Variants in FAM89A observed in about 807,000 individuals in gnomAD.
The protein encoded by FAM89A is protein FAM89A.
Under a neutral mutation model 7.1 loss-of-function variants are expected in FAM89A, and 10 were observed. The observed-to-expected ratio is 1.40, with a 90% CI of 0.86 to 2.38. The LOEUF is 2.38. Among genes scored for constraint, FAM89A ranks in the 30% most tolerant of loss-of-function variants. The pLI is 0.00. For synonymous variants in FAM89A, 157 were observed against 129.3 expected (o/e 1.21, Z -1.45); for missense variants, 276 against 262.8 (o/e 1.05, Z -0.35).
chr1:231,029,365 G>A (rs915778854), intron 1 of FAM89A, among the ~76,000 whole-genome samples: 13 of 152,098 alleles, frequency 8.5e-5, no homozygotes, highest in Admixed American at 8.5e-4. Flanking sequence ...GGTGGTACGT[G>A]CCTGTGGTCC....
rs889741281 is a variant in FAM89A, at chr1:231,040,241, C to A, written c.-30G>T. On this transcript the variant is annotated 5_prime_UTR_variant, in exon 1 of 2. Transcript: ENST00000366654. Reference sequence around the variant, plus strand: ...CCGCGGCCCGGCCACGCGCCTGCCCCGCTGCAGCGAACCAAGGCTTTCCCC... The same window carrying A: ...CCGCGGCCCGGCCACGCGCCTGCCCAGCTGCAGCGAACCAAGGCTTTCCCC... The A allele has an allele frequency of 5.8e-6, 6 of 1,031,044 alleles. No individual in the cohort carries two copies. The highest frequency in any genetic ancestry group is 5.8e-6 in the Non-Finnish European group (5 of 861,720). The allele number at this position is 1,031,044 out of a possible 1,614,324, so 63.9% of individuals were successfully genotyped here. A position where few individuals can be genotyped will look rare whatever the true frequency, so the allele number is the denominator to read the frequency against.
At chr1:231,035,705 A>T (rs1007778689) in intron 1 of FAM89A, among the ~76,000 whole-genome samples, 10 of 152,368 alleles carry the variant, frequency 6.6e-5, no homozygotes, top group Middle Eastern at 3.4e-3. Flanking sequence ...AGATCTAGTT[A>T]GCCAAGCTAG....
chr1:231,021,515 G>A, intron 1 of FAM89A: 1 of 696,760 alleles, frequency 1.4e-6, no homozygotes, highest in Non-Finnish European at 2.5e-6. Flanking sequence ...TGATTAACCA[G>A]AGGGCACGAA....
At chr1:231,021,553 A>C in intron 1 of FAM89A, 1 of 1,012,796 alleles carries the variant, frequency 9.9e-7, no homozygotes. Flanking sequence ...CTTCCCTGCA[A>C]ACCTTGGTAT....
Position 231,034,019 on chromosome 1 carries a change from G to A in FAM89A, c.291+5902C>T, listed in dbSNP as rs144743568. ...GGACATTGGGATGGGGATGGGACAA[G>A]TACAGGGTAGCAGTGGCCTGAAAAT... On this transcript the variant is annotated intron_variant, in intron 1 of 1. Coordinates refer to ENST00000366654, the MANE Select transcript of FAM89A (RefSeq NM_198552.3). Among the ~76,000 whole-genome samples, 703 of 152,342 alleles carry A rather than the reference G, an allele frequency of 4.6e-3. 4 individuals are homozygous for A. The highest frequency in any genetic ancestry group is 0.016 in the African/African-American group (665 of 41,590).
chr1:231,028,131 G>A (rs1052931845), intron 1 of FAM89A, among the ~76,000 whole-genome samples: 2 of 152,222 alleles, frequency 1.3e-5, no homozygotes, highest in African/African-American at 4.8e-5. Flanking sequence ...GCAGTGGGGT[G>A]GTGCTGGCAC....
rs554549765 is a variant in FAM89A at position 231,028,507 on chromosome 1, G to C, written c.292-8381C>G. The C allele has an allele frequency of 5.3e-5, 8 of 152,224 alleles. No homozygotes were observed. In the South Asian group the frequency reaches 1.5e-3, roughly 28 times the overall value. 9.4% of individuals were successfully genotyped at this position (152,224 alleles called of 1,614,324 possible). A position where few individuals can be genotyped will look rare whatever the true frequency, so the allele number is the denominator to read the frequency against. The stretch of plus-strand genomic sequence containing the variant: ...GGAGCCGCCGAGCAAGCCACTCTCC[G>C]AGCAGAAGCAGCCTGGATCTCAACG... On this transcript the variant is annotated intron_variant, in intron 1 of 1. Transcript: ENST00000366654.
intron 1 of FAM89A, among the ~76,000 whole-genome samples, chr1:231,035,921 C>T (rs554289787): frequency 2.5e-4 from 38 of 152,340 alleles, no homozygotes; most frequent in African/African-American, 9.1e-4. Context: ...TTGTCCTTGT[C>T]ACTGTTGGCT....
chr1:231,022,989 A>G (rs1219422097), intron 1 of FAM89A, among the ~76,000 whole-genome samples: 3 of 152,144 alleles, frequency 2.0e-5, no homozygotes, highest in African/African-American at 4.8e-5. Context: ...GGACAGGCAC[A>G]TGTTTGGGTG....
chr1:231,020,295 T>C (rs114976330), intron 1 of FAM89A, among the ~76,000 whole-genome samples, 169 bp from the exon 2 acceptor site: 2,192 of 152,276 alleles, frequency 0.014, 44 homozygotes, highest in African/African-American at 0.05. Flanking sequence ...AACACCTTAA[T>C]TGTGTTATGC....
rs1253010662 is a variant in FAM89A at position 231,039,995 on chromosome 1, C to T, written c.217G>A (p.Gly73Arg). The change falls in exon 1 of 2, where the codon GGG becomes AGG. Residue 73 changes from glycine to arginine, a missense_variant. By Grantham distance (125) the Gly-to-Arg change is moderately radical. Coordinates refer to ENST00000366654, the MANE Select transcript of FAM89A (RefSeq NM_198552.3). Reference protein sequence around the residue: ...ELSRGGPGGGGARAAALPAKP... With the variant: ...ELSRGGPGGGRARAAALPAKP... ...GCGGGCAGCGCTGCCGCCCGGGCCCCGCCGCCGCCCGGGCCCCCGCGGCTC... is the reference window on the plus strand; with the variant it reads ...GCGGGCAGCGCTGCCGCCCGGGCCCTGCCGCCGCCCGGGCCCCCGCGGCTC... The T allele has an allele frequency of 7.2e-7, 1 of 1,387,116 alleles. No individual in the cohort carries two copies. Among genetic ancestry groups the T allele is most frequent in the East Asian group, 3.1e-5 (1 of 32,458 alleles). 85.9% of individuals were successfully genotyped at this position (1,387,116 alleles called of 1,614,324 possible).
At chr1:231,024,229 G>A (rs537169711) in intron 1 of FAM89A, among the ~76,000 whole-genome samples, 33 of 151,188 alleles carry the variant, frequency 2.2e-4, no homozygotes, top group Non-Finnish European at 2.9e-4. Context: ...GCATGGGTAC[G>A]CGCATGTAGA....
At chr1:231,024,686 A>C (rs1679933413) in intron 1 of FAM89A, among the ~76,000 whole-genome samples, 1 of 151,778 alleles carries the variant, frequency 6.6e-6, no homozygotes, top group Admixed American at 6.6e-5. Flanking sequence ...ACAGGTGCAT[A>C]CCACCATGCC....
Position 231,040,029 on chromosome 1 carries a change from C to G in FAM89A, c.183G>C (p.Gln61His). The change falls in exon 1 of 2, where the codon CAG (glutamine) becomes CAC (histidine). Residue 61 changes from glutamine to histidine, a missense_variant. By Grantham distance (24) the Gln-to-His change is conservative. Coordinates refer to ENST00000366654, the MANE Select transcript of FAM89A (RefSeq NM_198552.3). ...ERLYAQKSRI[Q>H]DELSRGGPGG... is the part of the protein sequence containing the mutation. ...CCGGGCCCCCGCGGCTCAGCTCGTC[C>G]TGGATGCGCGACTTCTGCGCGTACA... is the stretch of plus-strand genomic sequence containing the variant. 1 of 1,444,640 alleles carries G rather than the reference C, an allele frequency of 6.9e-7. No individual in the cohort carries two copies. The highest frequency in any genetic ancestry group is 9.1e-7 in the Non-Finnish European group (1 of 1,101,524). 89.5% of individuals were successfully genotyped at this position (1,444,640 alleles called of 1,614,324 possible). A position where few individuals can be genotyped will look rare whatever the true frequency, so the allele number is the denominator to read the frequency against.
intron 1 of FAM89A, among the ~76,000 whole-genome samples, chr1:231,020,738 G>A (rs933529844): frequency 6.6e-6 from 1 of 152,152 alleles, no homozygotes; most frequent in Admixed American, 6.5e-5. Flanking sequence ...CAGAGTAACT[G>A]ACTGAATATG....
chr1:231,039,635 C>T (rs1028065135), intron 1 of FAM89A, among the ~76,000 whole-genome samples: 1 of 152,202 alleles, frequency 6.6e-6, no homozygotes, highest in Non-Finnish European at 1.5e-5. Context: ...CCCCGCACAG[C>T]GCTTCCGGGC....
At chr1:231,031,814 T>C (rs1329366537) in intron 1 of FAM89A, among the ~76,000 whole-genome samples, 3 of 152,120 alleles carry the variant, frequency 2.0e-5, no homozygotes, top group Non-Finnish European at 4.4e-5. Flanking sequence ...CATATTCTTT[T>C]CAACAATTGT....
rs1024055904 is a variant in FAM89A, at chr1:231,019,705, C to T, written c.*158G>A. The T allele has an allele frequency of 1.1e-5, 9 of 787,722 alleles. No homozygotes were observed. The highest frequency in any genetic ancestry group is 5.6e-5 in the South Asian group (3 of 53,748). The allele number at this position is 787,722 out of a possible 1,614,324, so 48.8% of individuals were successfully genotyped here. On this transcript the variant is annotated 3_prime_UTR_variant, in exon 2 of 2. Transcript: ENST00000366654. ...AAAGCAGACTGCCACCATGCATCCG[C>T]GGAGAACTCCCTGCCTACAAATGAA...
At chr1:231,033,890 A>C (rs138862861) in intron 1 of FAM89A, among the ~76,000 whole-genome samples, 16 of 152,318 alleles carry the variant, frequency 1.1e-4, no homozygotes, top group Middle Eastern at 3.4e-3. Context: ...GCAATGACCC[A>C]CACACTGCCC....
Sources: allele counts gnomAD v4.1 joint callset (sites outside exome capture counted in the v4.1 genomes callset), GRCh38; gene constraint gnomAD v4.1.1; transcripts MANE v1.5; gene names NCBI Gene and HGNC (gene_info 2026-07-23, HGNC 2026-07-21).